The following AIG1 variants were observed in gnomAD, a reference collection of about 807,000 sequenced individuals.
AIG1 encodes the protein androgen induced 1.
Under a neutral mutation model 31.4 loss-of-function variants are expected in AIG1, and 23 were observed. The ratio of observed to expected loss-of-function variants is 0.73; its 90% CI spans 0.53 to 1.04. The LOEUF (loss-of-function observed/expected upper bound fraction) is 1.04, where lower values mean the gene tolerates loss of function less well. Among genes scored for constraint, AIG1 ranks in the 50% least tolerant of loss-of-function variants. The probability of loss-of-function intolerance (pLI) is 0.00; values close to 1 mark genes in which losing one functional copy is unlikely to be tolerated. For synonymous variants in AIG1, 100 were observed against 110.5 expected, an observed-to-expected ratio of 0.90 and a Z score of 0.60; for missense variants, 274 against 295.0, an observed-to-expected ratio of 0.93 and a Z score of 0.52.
At chr6:143,075,886 G>A (rs1777688704) in intron 1 of AIG1, among the ~76,000 whole-genome samples, 1 of 151,936 alleles carries the variant, frequency 6.6e-6, no homozygotes, top group African/African-American at 2.4e-5. Context: ...TTTACAGATA[G>A]CTTTTCATGG....
chr6:143,284,902 A>G lies in AIG1; in HGVS notation c.515+677A>G, dbSNP rs1397833753. Among the ~76,000 whole-genome samples, 2 of 152,184 alleles carry G rather than the reference A, an allele frequency of 1.3e-5. No homozygotes were observed. The highest frequency in any genetic ancestry group is 4.8e-5 in the African/African-American group (2 of 41,432). On this transcript the variant is annotated intron_variant, in intron 4 of 5. Transcript: ENST00000357847. This position sits in a 1 kb window ranked among gnomAD's most constrained non-coding sequence, Gnocchi z 4.4. ...GTTTTTAACACTTCAAAAATTATTT[A>G]TCTTAACATAGAGAATTTCTTATTT...
chr6:143,142,094 G>T (rs1784290426), intron 2 of AIG1, among the ~76,000 whole-genome samples: 1 of 151,864 alleles, frequency 6.6e-6, no homozygotes, highest in Non-Finnish European at 1.5e-5. Context: ...TTGTTTTATA[G>T]AGGCAGGGTT....
chr6:143,120,936 G>A (rs142265564), intron 1 of AIG1, among the ~76,000 whole-genome samples: 17 of 152,330 alleles, frequency 1.1e-4, no homozygotes, highest in East Asian at 9.6e-4. Flanking sequence ...GCGGAAAACC[G>A]CTTAAAGGCA....
rs940263494 is a variant in AIG1, at chr6:143,326,799, G to T, written c.516-6483G>T. Among the ~76,000 whole-genome samples the T allele has an allele frequency of 6.6e-6, 1 of 152,164 alleles. No homozygotes were observed. Among genetic ancestry groups the T allele is most frequent in the African/African-American group, 2.4e-5 (1 of 41,438 alleles). On this transcript the variant is annotated intron_variant, in intron 4 of 5. Transcript: ENST00000357847. The surrounding 1 kb of genome is among the most constrained non-coding windows in gnomAD (Gnocchi z 4.5). Reference sequence around the variant, plus strand: ...AGTACAGGCAGAAAGAAGAATATGTGAAAACCCACATTGCAGGAGGGAACA... The same window carrying T: ...AGTACAGGCAGAAAGAAGAATATGTTAAAACCCACATTGCAGGAGGGAACA...
At chr6:143,061,961 G>A (rs990353464) in intron 1 of AIG1, among the ~76,000 whole-genome samples, 3 of 152,156 alleles carry the variant, frequency 2.0e-5, no homozygotes, top group African/African-American at 7.2e-5. Context: ...TTAGGAAGAG[G>A]CTTAAAACAA....
At chr6:143,210,505 A>T (rs917235609) in intron 3 of AIG1, among the ~76,000 whole-genome samples, 4 of 152,236 alleles carry the variant, frequency 2.6e-5, no homozygotes, top group African/African-American at 9.6e-5. Context: ...GGAGTAGTAG[A>T]TGTACAGAAC....
downstream of AIG1, chr6:143,342,587 G>T: frequency 9.8e-7 from 1 of 1,024,880 alleles, no homozygotes; most frequent in Non-Finnish European, 1.6e-6. Flanking sequence ...TGTGCATTTG[G>T]ATCAGCTGCT....
chr6:143,339,710 CG>C lies in AIG1; in HGVS notation c.*35del. ...TCTAAACGCAAGAGCTAGATTGAGC[CG>C]CCATTGAAGACTCCTTCCCCTCGGG... On this transcript the variant is annotated 3_prime_UTR_variant, in exon 6 of 6. Transcript: ENST00000357847. 1 of 1,608,618 alleles carries C rather than the reference CG, an allele frequency of 6.2e-7. No individual in the cohort carries two copies. The highest frequency in any genetic ancestry group is 8.5e-7 in the Non-Finnish European group (1 of 1,177,134).
intron 3 of AIG1, among the ~76,000 whole-genome samples, chr6:143,202,717 C>T (rs1790801811): frequency 6.6e-6 from 1 of 152,058 alleles, no homozygotes; most frequent in Admixed American, 6.6e-5. Context: ...TCACTGAAAC[C>T]CCAGAAGTGT....
intron 1 of AIG1, among the ~76,000 whole-genome samples, chr6:143,088,410 G>A (rs1333470235): frequency 2.6e-5 from 4 of 152,102 alleles, no homozygotes; most frequent in Non-Finnish European, 5.9e-5. Context: ...TTCTGTATCA[G>A]CCCAAGCCCT....
At chr6:143,294,964 C>T (rs1798320383) in intron 4 of AIG1, among the ~76,000 whole-genome samples, 1 of 152,088 alleles carries the variant, frequency 6.6e-6, no homozygotes, top group Non-Finnish European at 1.5e-5. Context: ...GTTTGCAATG[C>T]CTCCATTTCG....
At chr6:143,324,160 C>A (rs1562593984) in intron 4 of AIG1, among the ~76,000 whole-genome samples, 1 of 152,196 alleles carries the variant, frequency 6.6e-6, no homozygotes, top group Non-Finnish European at 1.5e-5. Flanking sequence ...AGGTTAAATG[C>A]ACATGTGATG....
intron 3 of AIG1, among the ~76,000 whole-genome samples, chr6:143,240,490 A>G (rs1010184467): frequency 3.3e-5 from 5 of 152,228 alleles, no homozygotes; most frequent in African/African-American, 1.2e-4. Flanking sequence ...CATAAAACAT[A>G]TAAACCACAG....
At chr6:143,075,111 C>T (rs1048832206) in intron 1 of AIG1, among the ~76,000 whole-genome samples, 4 of 152,054 alleles carry the variant, frequency 2.6e-5, no homozygotes, top group Non-Finnish European at 5.9e-5. Context: ...TTTTATCTTT[C>T]TCTTATTGTC....
chr6:143,335,130 T>A (rs1380165441), intron 5 of AIG1: 7 of 1,414,302 alleles, frequency 4.9e-6, no homozygotes, highest in Non-Finnish European at 6.5e-6. Flanking sequence ...GTAAGTATCA[T>A]CCTCATTTAC....
At chr6:143,208,671 C>G (rs1365546233) in intron 3 of AIG1, among the ~76,000 whole-genome samples, 1 of 152,124 alleles carries the variant, frequency 6.6e-6, no homozygotes, top group African/African-American at 2.4e-5. Context: ...ATTAAACTTA[C>G]CATATTCATA....
chr6:143,137,637 G>C (rs904532174), intron 2 of AIG1, among the ~76,000 whole-genome samples: 5 of 152,116 alleles, frequency 3.3e-5, no homozygotes, highest in African/African-American at 1.2e-4. Context: ...GGTCTGTTTT[G>C]ACTTCATTGA....
At chr6:143,226,445 C>T (rs1201121447) in intron 3 of AIG1, among the ~76,000 whole-genome samples, 3 of 151,672 alleles carry the variant, frequency 2.0e-5, no homozygotes, top group Admixed American at 6.6e-5. Context: ...GGGGTTTCAC[C>T]GTGTTGGCCA....
intron 3 of AIG1, among the ~76,000 whole-genome samples, chr6:143,216,508 A>G (rs1166246155): frequency 1.3e-5 from 2 of 152,190 alleles, no homozygotes; most frequent in Admixed American, 1.3e-4. Flanking sequence ...GTTACCAGGG[A>G]GATTGTACAA....
Sources: allele counts gnomAD v4.1 joint callset (sites outside exome capture counted in the v4.1 genomes callset), GRCh38; gene constraint gnomAD v4.1.1; non-coding constraint Gnocchi (gnomAD v3.1); transcripts MANE v1.5; gene names NCBI Gene and HGNC (gene_info 2026-07-23, HGNC 2026-07-21).